IMPA2: variants seen among roughly 807,000 people sequenced by gnomAD.
IMPA2 encodes the protein inositol monophosphatase 2.
In IMPA2, 32 loss-of-function variants were observed where a neutral mutation model predicts 35.1. The observed-to-expected ratio is 0.91, with a 90% CI of 0.69 to 1.23. The LOEUF is 1.23. Ranked by LOEUF, IMPA2 falls within the 50% of genes most tolerant of loss-of-function variation. IMPA2 has a pLI of 0.00. For missense variants in IMPA2, 334 were observed against 387.6 expected, an observed-to-expected ratio of 0.86 and a Z score of 1.16; for synonymous variants, 135 against 160.6, an observed-to-expected ratio of 0.84 and a Z score of 1.20.
chr18:12,022,268 A>G (rs920424312), intron 5 of IMPA2, among the ~76,000 whole-genome samples: 1 of 152,018 alleles, frequency 6.6e-6, no homozygotes, highest in Non-Finnish European at 1.5e-5. Flanking sequence ...CCGGTGGCTC[A>G]CGCCTGTAAT....
intron 7 of IMPA2, among the ~76,000 whole-genome samples, chr18:12,029,413 C>T (rs1907984217): frequency 1.3e-5 from 2 of 151,302 alleles, no homozygotes; most frequent in African/African-American, 4.9e-5. Flanking sequence ...TATGCCCGAC[C>T]CCATTCCACA....
At chr18:12,013,946 C>T (rs1043540538) in intron 4 of IMPA2, among the ~76,000 whole-genome samples, 1 of 152,018 alleles carries the variant, frequency 6.6e-6, no homozygotes, top group Non-Finnish European at 1.5e-5. Flanking sequence ...ACAAAAGGGG[C>T]CTTTCTAAAA....
In IMPA2 at chr18:12,030,623, CG is replaced by C; in HGVS notation, c.*166del. 1.7e-6 allele frequency: 1 copy of C among 596,712 alleles called. No homozygotes were observed. Among genetic ancestry groups the C allele is most frequent in the Non-Finnish European group, 3.0e-6 (1 of 334,866 alleles). The allele number at this position is 596,712 out of a possible 1,614,324, so 37.0% of individuals were successfully genotyped here. On this transcript the variant is annotated 3_prime_UTR_variant, in exon 8 of 8. Coordinates refer to ENST00000269159, the MANE Select transcript of IMPA2 (RefSeq NM_014214.3). The stretch of plus-strand genomic sequence containing the variant: ...GTGAGTGGCTGGCCTTTTAAATCGA[CG>C]TCTCTCTCACCAGGATTTGGTGTTT...
At chr18:12,019,743 G>A (rs562264497) in intron 5 of IMPA2, among the ~76,000 whole-genome samples, 4 of 152,084 alleles carry the variant, frequency 2.6e-5, no homozygotes, top group South Asian at 4.2e-4. Flanking sequence ...GATTTTCAGC[G>A]CTTCTAAGTG....
chr18:11,998,485 AAC>A lies in IMPA2; in HGVS notation c.97-565_97-564del, dbSNP rs1907020837. ...AGTGAGAGCTGGCCATGGTTCCTGA[AAC>A]ACAGTTTAGCTCTCCCGGGTTTCTC... On this transcript the variant is annotated intron_variant, in intron 1 of 7. Transcript: ENST00000269159. Among the ~76,000 whole-genome samples, 3 of 152,318 alleles carry A rather than the reference AAC, an allele frequency of 2.0e-5. No individual in the cohort carries two copies. The South Asian group carries it at 6.2e-4, about 32-fold the overall frequency.
chr18:11,988,045 G>A (rs576730498), intron 1 of IMPA2, among the ~76,000 whole-genome samples: 3 of 119,544 alleles, frequency 2.5e-5, no homozygotes, highest in Admixed American at 1.2e-4. Flanking sequence ...TTGCTCTGTC[G>A]CCCAGGCTGG....
chr18:12,017,755 ATTT>A, intron 5 of IMPA2: 1 of 327,578 alleles, frequency 3.1e-6, no homozygotes, highest in Non-Finnish European at 6.0e-6. Context: ...CATCTGGCTA[ATTT>A]TTTTGTATTT....
chr18:12,005,081 C>T (rs567408305), intron 2 of IMPA2, among the ~76,000 whole-genome samples: 4 of 152,210 alleles, frequency 2.6e-5, no homozygotes, highest in African/African-American at 4.8e-5. Flanking sequence ...GCACGGTTCA[C>T]GCCTCTGCTG....
rs544871016 is a variant in IMPA2 at position 12,014,318 on chromosome 18, G to C, written c.435G>C (p.Arg145=). ...CAGAGGAGCGGCTGTACACGGGCCG[G>C]CGGGGTCGGGGCGCCTTCTGCAATG... ...HCTEERLYTG[R]RGRGAFCNGQ... is the part of the protein sequence containing the mutation. The change falls in exon 5 of 8, where the codon CGG becomes CGC. Residue 145 remains arginine, a synonymous_variant. Coordinates refer to ENST00000269159, the MANE Select transcript of IMPA2 (RefSeq NM_014214.3). 60 of 1,611,632 alleles carry C rather than the reference G, an allele frequency of 3.7e-5. No individual in the cohort carries two copies. The East Asian group carries it at 1.3e-3, about 36-fold the overall frequency.
chr18:11,981,820 TG>T, intron 1 of IMPA2, 55 bp downstream of exon 1: 1 of 1,143,872 alleles, frequency 8.7e-7, no homozygotes, highest in Non-Finnish European at 1.1e-6. Context: ...GCGTGGGCCT[TG>T]GGAGCCGCCT....
chr18:11,986,097 C>G (rs1163573959), intron 1 of IMPA2, among the ~76,000 whole-genome samples: 1 of 152,140 alleles, frequency 6.6e-6, no homozygotes, highest in South Asian at 2.1e-4. Context: ...AACAAAATCT[C>G]AGGACAAAGC....
intron 1 of IMPA2, among the ~76,000 whole-genome samples, chr18:11,982,093 A>C (rs1906518491): frequency 6.6e-6 from 1 of 152,188 alleles, no homozygotes; most frequent in East Asian, 1.9e-4. Context: ...TTAAGGACCT[A>C]TGAACGGATT....
chr18:12,012,137 C>G, intron 3 of IMPA2, 33 bp from the exon 4 acceptor site: 1 of 1,610,638 alleles, frequency 6.2e-7, no homozygotes, highest in Non-Finnish European at 8.5e-7. Context: ...CGCTCTTGTT[C>G]CAGAGAGTAA....
At chr18:12,002,689 C>A (rs895364067) in intron 2 of IMPA2, among the ~76,000 whole-genome samples, 1 of 150,440 alleles carries the variant, frequency 6.6e-6, no homozygotes, top group East Asian at 2.0e-4. Flanking sequence ...GTGAGAGGCT[C>A]GCTTGAGTCC....
chr18:12,011,739 G>T lies in IMPA2; in HGVS notation c.336-431G>T, dbSNP rs1568034447. Among the ~76,000 whole-genome samples, 4 of 152,250 alleles carry T rather than the reference G, an allele frequency of 2.6e-5. No homozygotes were observed. In the South Asian group the frequency reaches 8.3e-4, roughly 31 times the overall value. On this transcript the variant is annotated intron_variant, in intron 3 of 7. Transcript: ENST00000269159. ...GCAGGGATGCTAGCAGTGCCACAGGGTGAGCTGTGGCTCAGAACTGGCCCC... is the reference window on the plus strand; with the variant it reads ...GCAGGGATGCTAGCAGTGCCACAGGTTGAGCTGTGGCTCAGAACTGGCCCC...
intron 2 of IMPA2, among the ~76,000 whole-genome samples, chr18:11,999,452 C>G (rs1226245581): frequency 6.6e-6 from 1 of 152,268 alleles, no homozygotes; most frequent in Non-Finnish European, 1.5e-5. Flanking sequence ...AACACATGCT[C>G]AGGAAAAGCT....
intron 2 of IMPA2, among the ~76,000 whole-genome samples, chr18:12,002,520 T>C (rs974674468): frequency 2.6e-5 from 4 of 152,156 alleles, no homozygotes; most frequent in African/African-American, 9.7e-5. Flanking sequence ...ATGTCTGTAA[T>C]ACTAGCACTT....
At chr18:12,001,326 C>T (rs1002154260) in intron 2 of IMPA2, among the ~76,000 whole-genome samples, 6 of 152,096 alleles carry the variant, frequency 3.9e-5, no homozygotes, top group African/African-American at 7.2e-5. Context: ...AGTAACGAGC[C>T]GGCTGTTTCC....
chr18:12,030,390 C>T lies in IMPA2; in HGVS notation c.799C>T (p.Arg267Trp), dbSNP rs184190406. 3.8e-5 allele frequency: 61 copies of T among 1,614,240 alleles called. No homozygotes were observed. The highest frequency in any genetic ancestry group is 5.0e-5 in the Admixed American group (3 of 60,034). Residue 267 changes from arginine (R) to tryptophan (W), a missense_variant, in exon 8 of 8, where the codon CGG becomes TGG. Physicochemically the swap from Arg to Trp is moderately radical, Grantham distance 101. Coordinates refer to ENST00000269159, the MANE Select transcript of IMPA2 (RefSeq NM_014214.3). The part of the protein sequence containing the change: ...MACRVVAAST[R>W]EMAMLIAQAL... ...TTGCAGAGTGGTTGCGGCCAGCACCCGGGAGATGGCGATGCTCATAGCTCA... is the reference window on the plus strand; with the variant it reads ...TTGCAGAGTGGTTGCGGCCAGCACCTGGGAGATGGCGATGCTCATAGCTCA...
Sources: allele counts gnomAD v4.1 joint callset (sites outside exome capture counted in the v4.1 genomes callset), GRCh38; gene constraint gnomAD v4.1.1; transcripts MANE v1.5; gene names NCBI Gene and HGNC (gene_info 2026-07-23, HGNC 2026-07-21).